LOXHD1: variants seen among roughly 807,000 people sequenced by gnomAD.
LOXHD1 encodes the protein lipoxygenase homology domain-containing protein 1.
Under a neutral mutation model 248.2 loss-of-function variants are expected in LOXHD1, and 205 were observed. The observed-to-expected ratio is 0.83, with a 90% CI of 0.74 to 0.93. The LOEUF (loss-of-function observed/expected upper bound fraction) is 0.93. LOXHD1 is among the 40% of genes least tolerant of loss of function. LOXHD1 has a pLI of 0.00. For synonymous variants in LOXHD1, 1,113 were observed against 1,162.8 expected (o/e 0.96, Z 0.87); for missense variants, 2,930 against 2,971.6 (o/e 0.99, Z 0.33).
Position 46,629,589 on chromosome 18 carries a change from C to G in LOXHD1, c.511+10027G>C, listed in dbSNP as rs145723703. 1.6e-4 allele frequency among the ~76,000 whole-genome samples: 25 copies of G among 152,222 alleles called. No homozygotes were observed. The East Asian group carries it at 4.8e-3, about 30-fold the overall frequency. ...GGCACTACGCCCAACATGGTCATGT[C>G]AAGATCGGGTACACATCTGGAGCTG... On this transcript the variant is annotated intron_variant, in intron 4 of 40. Transcript: ENST00000642948.
intron 12 of LOXHD1, among the ~76,000 whole-genome samples, chr18:46,581,726 C>T (rs1402455140): frequency 2.0e-5 from 3 of 152,076 alleles, no homozygotes; most frequent in Non-Finnish European, 4.4e-5. Flanking sequence ...ATGATAAATT[C>T]AAAGAGATCT....
intron 6 of LOXHD1, among the ~76,000 whole-genome samples, chr18:46,605,004 A>T (rs1568212976): frequency 6.6e-6 from 1 of 152,204 alleles, no homozygotes. Flanking sequence ...TACACAAAAA[A>T]ATTTATTTTA....
Position 46,477,470 on chromosome 18 carries a change from C to T in LOXHD1, c.*2G>A. On this transcript the variant is annotated 3_prime_UTR_variant, in exon 41 of 41. Transcript: ENST00000642948. Reference sequence around the variant, plus strand: ...CAGTGAGAGGGTGGGGGCCCTAGCCCCTCAGACAGAAGGGAAGAGGTCTCT... The same window carrying T: ...CAGTGAGAGGGTGGGGGCCCTAGCCTCTCAGACAGAAGGGAAGAGGTCTCT... 1 of 1,544,304 alleles carries T rather than the reference C, an allele frequency of 6.5e-7. No homozygotes were observed. Among genetic ancestry groups the T allele is most frequent in the Non-Finnish European group, 8.8e-7 (1 of 1,142,114 alleles).
chr18:46,483,893 G>A, intron 39 of LOXHD1, 148 bp from the exon 40 acceptor site: 1 of 910,192 alleles, frequency 1.1e-6, no homozygotes, highest in Non-Finnish European at 1.6e-6. Flanking sequence ...TGGAGGCTTT[G>A]AGGGGTTCAG....
In LOXHD1 at chr18:46,529,281, T is replaced by A. The variant is rs1482104043; in HGVS notation, c.4426A>T (p.Thr1476Ser). 6.4e-7 allele frequency: 1 copy of A among 1,551,718 alleles called. No individual in the cohort carries two copies. Among genetic ancestry groups the A allele is most frequent in the Non-Finnish European group, 8.7e-7 (1 of 1,146,966 alleles). The change falls in exon 29 of 41, where the codon ACG becomes TCG. Residue 1476 changes from threonine (T) to serine (S), a missense_variant. Coordinates refer to ENST00000642948, the MANE Select transcript of LOXHD1 (RefSeq NM_001384474.1). ...ATGGTGATGTACACCTTGGCATCCGTCCCTGCCCCAGGAATGTTCCCTGTG... is the reference window on the plus strand; with the variant it reads ...ATGGTGATGTACACCTTGGCATCCGACCCTGCCCCAGGAATGTTCCCTGTG... Reference protein sequence around the residue: ...IFTGNIPGAGTDAKVYITIYG... With the variant: ...IFTGNIPGAGSDAKVYITIYG...
In LOXHD1 at chr18:46,518,175, T is replaced by A; in HGVS notation, c.5353A>T (p.Ile1785Phe). The change falls in exon 34 of 41, where the codon ATC (isoleucine) becomes TTC (phenylalanine). Residue 1785 changes from isoleucine (I) to phenylalanine (F), a missense_variant. Physicochemically the swap from Ile to Phe is conservative, Grantham distance 21 (BLOSUM62 0). Transcript: ENST00000642948. ...DSNIFMTLYG[I>F]NGSTEEMQLD... ...TGCATCTCCTCTGTGCTCCCGTTGATGCCGTAGAGGGTCATGAAGATGTTG... is the reference window on the plus strand; with the variant it reads ...TGCATCTCCTCTGTGCTCCCGTTGAAGCCGTAGAGGGTCATGAAGATGTTG... The A allele has an allele frequency of 6.4e-7, 1 of 1,551,690 alleles. No homozygotes were observed. Among genetic ancestry groups the A allele is most frequent in the Non-Finnish European group, 8.7e-7 (1 of 1,146,992 alleles).
At chr18:46,539,657 T>G (rs1032926699) in intron 25 of LOXHD1, among the ~76,000 whole-genome samples, 1 of 152,182 alleles carries the variant, frequency 6.6e-6, no homozygotes, top group Non-Finnish European at 1.5e-5. Flanking sequence ...TTTTAAAATA[T>G]GTGGAATTGA....
chr18:46,516,908 T>C (rs891392036), intron 34 of LOXHD1, among the ~76,000 whole-genome samples: 1 of 152,088 alleles, frequency 6.6e-6, no homozygotes. Flanking sequence ...CCAGTCATCA[T>C]CCCTACCATT....
intron 28 of LOXHD1, among the ~76,000 whole-genome samples, chr18:46,530,624 T>C (rs1363685565): frequency 1.3e-5 from 2 of 152,196 alleles, no homozygotes; most frequent in Non-Finnish European, 2.9e-5. Flanking sequence ...TGGCCTGTCT[T>C]ATCAGCCCTT....
intron 39 of LOXHD1, among the ~76,000 whole-genome samples, chr18:46,484,484 A>G (rs141803049): frequency 2.0e-5 from 3 of 152,258 alleles, no homozygotes; most frequent in African/African-American, 7.2e-5. Flanking sequence ...ATGAACCAGG[A>G]GGCAGGCCCT....
intron 38 of LOXHD1, among the ~76,000 whole-genome samples, chr18:46,488,080 G>A (rs544969167): frequency 1.1e-4 from 16 of 152,188 alleles, no homozygotes; most frequent in Non-Finnish European, 2.1e-4. Context: ...TGGGGAGTTG[G>A]CCTGCAAGCT....
At chr18:46,553,778 T>A (rs1301191260) in intron 21 of LOXHD1, among the ~76,000 whole-genome samples, 1 of 151,758 alleles carries the variant, frequency 6.6e-6, no homozygotes, top group East Asian at 1.9e-4. Context: ...ACAAGAGAAA[T>A]GAGGGGAAGA....
intron 14 of LOXHD1, among the ~76,000 whole-genome samples, chr18:46,576,425 T>C (rs1056143136): frequency 3.3e-5 from 5 of 152,032 alleles, no homozygotes; most frequent in Non-Finnish European, 5.9e-5. Flanking sequence ...AGGCGCCCCT[T>C]GCCAACCTCT....
At chr18:46,566,764 G>A (rs1248109952) in intron 16 of LOXHD1, among the ~76,000 whole-genome samples, 1 of 152,190 alleles carries the variant, frequency 6.6e-6, no homozygotes, top group Admixed American at 6.5e-5. Flanking sequence ...ACTTAATCAT[G>A]TTAGGTCATG....
chr18:46,563,045 C>T lies in LOXHD1; in HGVS notation c.2598+20G>A, dbSNP rs547116541. Reference sequence around the variant, plus strand: ...CCACTGAGCCTGCTGTTGGCACCCCCGCTCCTCGACCCCACATACCTGGAA... The same window carrying T: ...CCACTGAGCCTGCTGTTGGCACCCCTGCTCCTCGACCCCACATACCTGGAA... On this transcript the variant is annotated intron_variant, in intron 18 of 40. Coordinates refer to ENST00000642948, the MANE Select transcript of LOXHD1 (RefSeq NM_001384474.1). The T allele has an allele frequency of 8.4e-5, 128 of 1,524,326 alleles. No individual in the cohort carries two copies. Among genetic ancestry groups the T allele is most frequent in the South Asian group, 4.3e-4 (36 of 82,964 alleles). The allele number at this position is 1,524,326 out of a possible 1,614,324, so 94.4% of individuals were successfully genotyped here.
intron 16 of LOXHD1, among the ~76,000 whole-genome samples, 157 bp downstream of exon 16, chr18:46,569,285 C>T (rs1031356447): frequency 6.6e-6 from 1 of 152,204 alleles, no homozygotes; most frequent in Admixed American, 6.5e-5. Flanking sequence ...ACTCACTATT[C>T]CCAAGTGTGC....
intron 38 of LOXHD1, among the ~76,000 whole-genome samples, chr18:46,485,757 G>C (rs1481575343): frequency 6.6e-6 from 1 of 152,172 alleles, no homozygotes; most frequent in Admixed American, 6.5e-5. Flanking sequence ...CCATATGACA[G>C]AATGTGATAG....
At chr18:46,632,840 C>T (rs1028359410) in intron 4 of LOXHD1, among the ~76,000 whole-genome samples, 8 of 152,144 alleles carry the variant, frequency 5.3e-5, no homozygotes, top group African/African-American at 1.7e-4. Context: ...CTCCCTGTGC[C>T]GGCTCTGTGT....
chr18:46,588,184 G>C (rs915307508), intron 12 of LOXHD1, among the ~76,000 whole-genome samples: 3 of 151,964 alleles, frequency 2.0e-5, no homozygotes, highest in Admixed American at 2.0e-4. Flanking sequence ...TACTTGTAGA[G>C]GTGAGTGAGG....
Sources: allele counts gnomAD v4.1 joint callset (sites outside exome capture counted in the v4.1 genomes callset), GRCh38; gene constraint gnomAD v4.1.1; transcripts MANE v1.5; gene names NCBI Gene and HGNC (gene_info 2026-07-23, HGNC 2026-07-21).